Variants in GSE1 observed in about 807,000 individuals in gnomAD.
GSE1 encodes the protein Gse1 coiled-coil protein.
GSE1 carries 32 observed loss-of-function variants against 112.6 expected under a neutral mutation model. That is an observed-to-expected ratio of 0.28 (90% CI 0.21 to 0.38). The LOEUF (loss-of-function observed/expected upper bound fraction) is 0.38, where lower values mean the gene tolerates loss of function less well. Ranked by LOEUF, GSE1 falls within the 10% of genes least tolerant of loss-of-function variation. The probability of loss-of-function intolerance (pLI) is 1.00; values close to 1 mark genes in which losing one functional copy is unlikely to be tolerated. For synonymous variants in GSE1, 1,115 were observed against 735.6 expected, an observed-to-expected ratio of 1.52 and a Z score of -8.35; for missense variants, 2,348 against 1,699.2, an observed-to-expected ratio of 1.38 and a Z score of -6.71.
chr16:85,555,680 C>A (rs2045170814), upstream of GSE1: 3 of 932,178 alleles, frequency 3.2e-6, no homozygotes, highest in Non-Finnish European at 3.8e-6. Context: ...CCGCCGCCCC[C>A]CCCTTCCTTT....
At chr16:85,236,110 G>C (rs974705891) in intron 1 of GSE1, among the ~76,000 whole-genome samples, 3 of 152,130 alleles carry the variant, frequency 2.0e-5, no homozygotes, top group Non-Finnish European at 2.9e-5. Flanking sequence ...TGTGGCTCCC[G>C]GGCAGGCTGT....
In GSE1 at chr16:85,654,260, G is replaced by A; in HGVS notation, c.427-18G>A. ...CTATACCAGGCTCCTGCCCTGACTGGACGCTCTCCTCCCGCAGGATGCCGG... is the reference window on the plus strand; with the variant it reads ...CTATACCAGGCTCCTGCCCTGACTGAACGCTCTCCTCCCGCAGGATGCCGG... On this transcript the variant is annotated intron_variant, in intron 3 of 15. Transcript: ENST00000253458. 6.3e-7 allele frequency: 1 copy of A among 1,575,284 alleles called. No homozygotes were observed. Among genetic ancestry groups the A allele is most frequent in the Non-Finnish European group, 8.6e-7 (1 of 1,161,740 alleles).
intron 1 of GSE1, among the ~76,000 whole-genome samples, chr16:85,244,927 G>A (rs538524449): frequency 2.6e-5 from 4 of 150,950 alleles, no homozygotes; most frequent in African/African-American, 9.8e-5. Flanking sequence ...GGAGGCAGAG[G>A]TTGCAGTGAG....
At chr16:85,234,574 T>A (rs1219276253) in intron 1 of GSE1, among the ~76,000 whole-genome samples, 27 of 152,180 alleles carry the variant, frequency 1.8e-4, no homozygotes, top group Non-Finnish European at 1.5e-5. Context: ...TCCATCCCTG[T>A]GGGCTGTGTC....
rs564629100 is a variant in GSE1 at position 85,171,162 on chromosome 16, C to T, written c.1638C>T (p.Ala546=). ...TCAGCGTCCTGGAGGATGTCTGGGCCCTGTACCGGGCCTGCCAGAACGAGG... is the reference window on the plus strand; with the variant it reads ...TCAGCGTCCTGGAGGATGTCTGGGCTCTGTACCGGGCCTGCCAGAACGAGG... The change falls in exon 1 of 3, where the codon GCC becomes GCT. Residue 546 remains alanine, a synonymous_variant. Transcript: ENST00000637419. 1.1e-5 allele frequency: 11 copies of T among 985,666 alleles called. No individual in the cohort carries two copies. The African/African-American group carries it at 1.9e-4, about 17-fold the overall frequency. The allele number at this position is 985,666 out of a possible 1,614,324, so 61.1% of individuals were successfully genotyped here.
intron 1 of GSE1, among the ~76,000 whole-genome samples, chr16:85,621,232 G>T (rs1053107014): frequency 6.6e-6 from 1 of 152,132 alleles, no homozygotes; most frequent in African/African-American, 2.4e-5. Flanking sequence ...CTGTGTTGGG[G>T]AACCCGTTTA....
intron 1 of GSE1, among the ~76,000 whole-genome samples, chr16:85,182,855 C>T (rs1367628133): frequency 6.6e-6 from 1 of 152,200 alleles, no homozygotes; most frequent in South Asian, 2.1e-4. Context: ...TTTGCCCCCA[C>T]CACTCCTCTG....
intron 1 of GSE1, among the ~76,000 whole-genome samples, chr16:85,318,710 C>T (rs1298610095): frequency 6.6e-6 from 1 of 152,202 alleles, no homozygotes. Context: ...TTGGCACAGC[C>T]CTATCAAGCT....
chr16:85,246,435 A>ACACACACACACACACCCCACACGCTG (rs1905794494), intron 1 of GSE1, among the ~76,000 whole-genome samples: 2 of 5,334 alleles, frequency 3.7e-4, no homozygotes, highest in African/African-American at 2.5e-3. Context: ...CATGCTCTCT[A>ACACACACACACACACCCCACACGCTG]CACACACACA....
At chr16:85,245,359 G>T (rs1362570672) in intron 1 of GSE1, among the ~76,000 whole-genome samples, 6 of 152,202 alleles carry the variant, frequency 3.9e-5, no homozygotes, top group Non-Finnish European at 8.8e-5. Flanking sequence ...TTTCTGCCGG[G>T]AGCATGGTGA....
intron 1 of GSE1, among the ~76,000 whole-genome samples, chr16:85,632,298 C>G (rs909522087): frequency 6.6e-5 from 10 of 152,204 alleles, no homozygotes; most frequent in African/African-American, 2.4e-4. Context: ...TGAGCTCTCA[C>G]TGGGGAGAAC....
intron 1 of GSE1, among the ~76,000 whole-genome samples, chr16:85,600,230 G>C (rs1176148283): frequency 6.6e-6 from 1 of 152,190 alleles, no homozygotes; most frequent in Non-Finnish European, 1.5e-5. Flanking sequence ...GCGGTGTGGG[G>C]ACTTTCCCAA....
rs1491195220 is a variant in GSE1, at chr16:85,456,579, C to CATGT, written c.2464+98936_2464+98937insATGT. On this transcript the variant is annotated intron_variant, in intron 2 of 2. Transcript: ENST00000637419. The stretch of plus-strand genomic sequence containing the variant: ...AGGGAGGGGAGGGTCATTTTCCTGC[C>CATGT]GTGTGTGTGTGTGTGTGTGTGTGTG... 4.4e-4 allele frequency among the ~76,000 whole-genome samples: 40 copies of CATGT among 91,554 alleles called. 1 individual carries two copies. The highest frequency in any genetic ancestry group is 1.5e-3 in the African/African-American group (38 of 25,428). The allele number at this position is 91,554 out of a possible 152,430, so 60.1% of individuals were successfully genotyped here. A position where few individuals can be genotyped will look rare whatever the true frequency, so the allele number is the denominator to read the frequency against.
chr16:85,397,427 C>T (rs980970388), intron 2 of GSE1, among the ~76,000 whole-genome samples: 2 of 152,240 alleles, frequency 1.3e-5, no homozygotes, highest in Middle Eastern at 3.2e-3. Flanking sequence ...GTGCATGGCA[C>T]GTGTATCTCC....
Position 85,569,964 on chromosome 16 carries a change from C to T in GSE1, c.37+13601C>T, listed in dbSNP as rs537668281. ...GGGTGGAGGTGGGGGTTTCAATCCC[C>T]GCCTCTGTCGGAGGAGGACAGAGAA... On this transcript the variant is annotated intron_variant, in intron 1 of 2. Transcript: ENST00000635906. Among the ~76,000 whole-genome samples the T allele has an allele frequency of 1.2e-4, 19 of 152,272 alleles. No homozygotes were observed. The South Asian group carries it at 2.5e-3, about 20-fold the overall frequency.
chr16:85,287,902 G>T (rs2045086409), intron 1 of GSE1, among the ~76,000 whole-genome samples: 1 of 152,148 alleles, frequency 6.6e-6, no homozygotes, highest in African/African-American at 2.4e-5. Flanking sequence ...CGCACAGTAG[G>T]CACGGAAGTA....
chr16:85,323,188 C>T lies in GSE1; in HGVS notation c.2284-34275C>T, dbSNP rs559535095. Reference sequence around the variant, plus strand: ...GGTGGGCCTGGAACTTGAAGGGCTGCAGTCTCAAAACCAAAGATTGGGTCA... The same window carrying T: ...GGTGGGCCTGGAACTTGAAGGGCTGTAGTCTCAAAACCAAAGATTGGGTCA... On this transcript the variant is annotated intron_variant, in intron 1 of 2. Transcript: ENST00000637419. Among the ~76,000 whole-genome samples, 10 of 152,294 alleles carry T rather than the reference C, an allele frequency of 6.6e-5. No homozygotes were observed. In the East Asian group the frequency reaches 1.9e-3, roughly 29 times the overall value.
intron 1 of GSE1, among the ~76,000 whole-genome samples, chr16:85,330,414 A>G (rs2046313232): frequency 6.6e-6 from 1 of 152,342 alleles, no homozygotes; most frequent in East Asian, 1.9e-4. Context: ...AGCCCTGCCT[A>G]CACTTTGACT....
intron 1 of GSE1, among the ~76,000 whole-genome samples, chr16:85,263,397 A>G (rs925632236): frequency 1.3e-5 from 2 of 152,128 alleles, no homozygotes; most frequent in African/African-American, 4.8e-5. Context: ...TTTCTCACTC[A>G]GAATCTGCGT....
Sources: gnomAD v4.1 joint callset for allele counts (sites outside exome capture counted in the v4.1 genomes callset) on GRCh38, gnomAD v4.1.1 for gene constraint, MANE v1.5 for transcripts, NCBI Gene and HGNC (gene_info 2026-07-23, HGNC 2026-07-21) for gene names.